FHOD3: variants seen among roughly 807,000 people sequenced by gnomAD.
The protein encoded by FHOD3 is formin homology 2 domain containing 3.
FHOD3 carries 90 observed loss-of-function variants against 173.0 expected under a neutral mutation model. That is an observed-to-expected ratio of 0.52 (90% CI 0.44 to 0.62). The LOEUF (loss-of-function observed/expected upper bound fraction) is 0.62, where lower values mean the gene tolerates loss of function less well. FHOD3 is among the 20% of genes least tolerant of loss of function. FHOD3 has a pLI of 0.00. For synonymous variants in FHOD3, 828 were observed against 823.0 expected (o/e 1.01, Z -0.10); for missense variants, 1,945 against 2,034.7 (o/e 0.96, Z 0.85).
At chr18:36,561,106 A>G (rs1012690040) in intron 5 of FHOD3, among the ~76,000 whole-genome samples, 30 of 152,276 alleles carry the variant, frequency 2.0e-4, no homozygotes, top group African/African-American at 7.2e-4. Context: ...TCTAGCTCCT[A>G]TTAAGAATTT....
At chr18:36,336,664 C>G (rs1408261557) in intron 1 of FHOD3, among the ~76,000 whole-genome samples, 4 of 137,914 alleles carry the variant, frequency 2.9e-5, no homozygotes, top group Non-Finnish European at 6.2e-5. Flanking sequence ...TGGTGAAACC[C>G]TGTTTCTGCT....
At chr18:36,574,042 C>G (rs578064783) in intron 5 of FHOD3, among the ~76,000 whole-genome samples, 1 of 152,088 alleles carries the variant, frequency 6.6e-6, no homozygotes, top group African/African-American at 2.4e-5. Flanking sequence ...TTCTCAGAGC[C>G]TCAGTTTTTT....
chr18:36,770,890 T>C (rs1392618482), intron 28 of FHOD3, among the ~76,000 whole-genome samples: 3 of 152,142 alleles, frequency 2.0e-5, no homozygotes, highest in African/African-American at 7.2e-5. Context: ...CTCTCTTTAT[T>C]GTATGCCTTC....
At chr18:36,656,212 G>T (rs2036417896) in intron 13 of FHOD3, among the ~76,000 whole-genome samples, 1 of 152,086 alleles carries the variant, frequency 6.6e-6, no homozygotes, top group South Asian at 2.1e-4. Flanking sequence ...CTCTATTTCT[G>T]CCTTTGTAGG....
At chr18:36,430,312 G>A (rs557502094) in intron 3 of FHOD3, among the ~76,000 whole-genome samples, 6 of 152,176 alleles carry the variant, frequency 3.9e-5, no homozygotes, top group Non-Finnish European at 7.3e-5. Flanking sequence ...CGCCTCCCGA[G>A]TTCAAGCGAT....
chr18:36,312,225 C>T (rs527666692), intron 1 of FHOD3, among the ~76,000 whole-genome samples: 17 of 152,268 alleles, frequency 1.1e-4, no homozygotes, highest in South Asian at 6.2e-4. Context: ...TTTGATGGTG[C>T]GGTATTCACC....
At chr18:36,660,549 A>C (rs2036720916) in intron 14 of FHOD3, among the ~76,000 whole-genome samples, 1 of 152,234 alleles carries the variant, frequency 6.6e-6, no homozygotes, top group African/African-American at 2.4e-5. Flanking sequence ...CAGGTTTGGC[A>C]GAGTTGGCTG....
At position 36,658,149 on chromosome 18, in the gene FHOD3, C is replaced by T; in HGVS notation, c.1796C>T (p.Thr599Ile). The T allele has an allele frequency of 6.3e-7, 1 of 1,590,980 alleles. No individual in the cohort carries two copies. The highest frequency in any genetic ancestry group is 8.5e-7 in the Non-Finnish European group (1 of 1,171,472). ...GGATCCAGTGTGCCCACCACCCCCA[C>T]ATCATCCGTCTCACCCCCACAGGAG... is the stretch of plus-strand genomic sequence containing the variant. The part of the protein sequence containing the change: ...SSGSSVPTTP[T>I]SSVSPPQEAR... The change falls in exon 14 of 29, where the codon ACA becomes ATA. Residue 599 changes from threonine to isoleucine, a missense_variant. Transcript: ENST00000590592.
At chr18:36,399,456 T>G (rs191830302) in intron 3 of FHOD3, among the ~76,000 whole-genome samples, 1 of 152,292 alleles carries the variant, frequency 6.6e-6, no homozygotes, top group East Asian at 1.9e-4. Context: ...ATATGTGTCT[T>G]TTGTTTTGCA....
intron 13 of FHOD3, among the ~76,000 whole-genome samples, chr18:36,655,197 G>C (rs1423230193): frequency 1.3e-5 from 2 of 152,014 alleles, no homozygotes; most frequent in African/African-American, 4.8e-5. Context: ...TTTGCGGAAT[G>C]AATCCAACAT....
chr18:36,480,922 C>T (rs1295773757), intron 3 of FHOD3, among the ~76,000 whole-genome samples: 2 of 147,746 alleles, frequency 1.4e-5, no homozygotes, highest in Non-Finnish European at 2.9e-5. Context: ...TTCTTCATGG[C>T]ATTAGGAAAG....
At chr18:36,680,315 C>T (rs999400367) in intron 14 of FHOD3, among the ~76,000 whole-genome samples, 1 of 152,208 alleles carries the variant, frequency 6.6e-6, no homozygotes, top group African/African-American at 2.4e-5. Flanking sequence ...ACATCTTTCT[C>T]CTGCACTGAG....
At chr18:36,546,006 G>A (rs1048684277) in intron 5 of FHOD3, among the ~76,000 whole-genome samples, 45 of 152,350 alleles carry the variant, frequency 3.0e-4, no homozygotes, top group Admixed American at 1.8e-3. Context: ...ACGGCTTGCC[G>A]TTTGGAAAAC....
chr18:36,349,459 C>T (rs2046017824), intron 1 of FHOD3, among the ~76,000 whole-genome samples: 1 of 152,166 alleles, frequency 6.6e-6, no homozygotes, highest in Non-Finnish European at 1.5e-5. Flanking sequence ...CTTGCGCTTT[C>T]CATTAAGTTT....
intron 18 of FHOD3, among the ~76,000 whole-genome samples, chr18:36,712,130 T>C (rs1008221072): frequency 1.3e-5 from 2 of 152,194 alleles, no homozygotes; most frequent in African/African-American, 4.8e-5. Context: ...CTGTATGCTA[T>C]ACCTAAAAAG....
At chr18:36,561,100 G>C (rs2058067787) in intron 5 of FHOD3, among the ~76,000 whole-genome samples, 1 of 151,956 alleles carries the variant, frequency 6.6e-6, no homozygotes, top group Non-Finnish European at 1.5e-5. Flanking sequence ...CATGTTTCTA[G>C]CTCCTATTAA....
chr18:36,562,065 G>A (rs149084374), intron 5 of FHOD3, among the ~76,000 whole-genome samples: 11 of 151,906 alleles, frequency 7.2e-5, no homozygotes, highest in Admixed American at 2.0e-4. Context: ...TACCCAGGCT[G>A]GAGTGCAATG....
chr18:36,547,875 T>C (rs2147253488), intron 5 of FHOD3, among the ~76,000 whole-genome samples: 1 of 152,296 alleles, frequency 6.6e-6, no homozygotes. Context: ...AGGAGTAAGA[T>C]TGGGTTTGAT....
intron 10 of FHOD3, among the ~76,000 whole-genome samples, chr18:36,630,483 A>C (rs1384983811): frequency 6.6e-6 from 1 of 152,216 alleles, no homozygotes. Flanking sequence ...TGCTACTCTC[A>C]GTAACTGAAA....
Sources: allele counts gnomAD v4.1 joint callset (sites outside exome capture counted in the v4.1 genomes callset), GRCh38; gene constraint gnomAD v4.1.1; transcripts MANE v1.5; gene names NCBI Gene and HGNC (gene_info 2026-07-23, HGNC 2026-07-21).